DUSP3: variants seen among roughly 807,000 people sequenced by gnomAD.
DUSP3 encodes the protein dual specificity protein phosphatase 3.
DUSP3 carries 7 observed loss-of-function variants against 15.5 expected under a neutral mutation model. The observed-to-expected ratio is 0.45, with a 90% CI of 0.26 to 0.85. The LOEUF (loss-of-function observed/expected upper bound fraction) is 0.85. DUSP3 is among the 40% of genes least tolerant of loss of function. DUSP3 has a pLI of 0.18. For synonymous variants in DUSP3, 86 were observed against 104.2 expected, an observed-to-expected ratio of 0.83 and a Z score of 1.07; for missense variants, 209 against 251.7, an observed-to-expected ratio of 0.83 and a Z score of 1.15.
chr17:43,774,348 C>A (rs757665964), intron 2 of DUSP3, among the ~76,000 whole-genome samples: 31 of 152,130 alleles, frequency 2.0e-4, no homozygotes, highest in African/African-American at 6.3e-4. Flanking sequence ...AATCAACCAG[C>A]CCCCATGCTC....
intron 1 of DUSP3, among the ~76,000 whole-genome samples, chr17:43,775,928 T>C (rs1433491296): frequency 6.6e-6 from 1 of 151,930 alleles, no homozygotes; most frequent in Non-Finnish European, 1.5e-5. Context: ...CTGGCCAACA[T>C]GGTGAAACCC....
At chr17:43,777,632 GCC>G in intron 1 of DUSP3, 1 of 447,916 alleles carries the variant, frequency 2.2e-6, no homozygotes, top group Non-Finnish European at 4.5e-6. Flanking sequence ...TTTTCAACAT[GCC>G]ATCCTTGGGC....
At chr17:43,778,515 G>C (rs1027775892) in intron 1 of DUSP3, among the ~76,000 whole-genome samples, 29 of 152,200 alleles carry the variant, frequency 1.9e-4, no homozygotes, top group African/African-American at 7.0e-4. Flanking sequence ...CCAAGGCCAA[G>C]CCCCAAGCGG....
At chr17:43,778,542 G>A (rs1024949599) in intron 1 of DUSP3, among the ~76,000 whole-genome samples, 33 of 152,280 alleles carry the variant, frequency 2.2e-4, no homozygotes, top group Middle Eastern at 3.4e-3. Flanking sequence ...GCTGGGACCC[G>A]GGCAGGCGCC....
At chr17:43,770,042 C>G (rs145857555) in intron 2 of DUSP3, among the ~76,000 whole-genome samples, 78 of 152,228 alleles carry the variant, frequency 5.1e-4, no homozygotes, top group Middle Eastern at 3.4e-3. Context: ...TTGGCACAAC[C>G]ACTTTGGAAA....
rs375427137 is a variant in DUSP3 at position 43,778,894 on chromosome 17, C to A, written c.31G>T (p.Asp11Tyr). ...CCGTCCGAGAGCAGGTCGTTGAGAT[C>A]CTGCACCGAGAGCTCGAACGAGCCC... MSGSFELSVQ[D>Y]LNDLLSDGSG... is the part of the protein sequence containing the mutation. Residue 11 changes from aspartate (D) to tyrosine (Y), a missense_variant, in exon 1 of 3, where the codon GAT becomes TAT. Asp to Tyr is a radical substitution (Grantham distance 160). Coordinates refer to ENST00000226004, the MANE Select transcript of DUSP3 (RefSeq NM_004090.4). 20 of 1,498,728 alleles carry A rather than the reference C, an allele frequency of 1.3e-5. No individual in the cohort carries two copies. The African/African-American group carries it at 2.3e-4, about 17-fold the overall frequency. 92.8% of individuals were successfully genotyped at this position (1,498,728 alleles called of 1,614,324 possible). A position where few individuals can be genotyped will look rare whatever the true frequency, so the allele number is the denominator to read the frequency against.
chr17:43,776,560 C>A (rs1332983212), intron 1 of DUSP3, among the ~76,000 whole-genome samples: 1 of 152,232 alleles, frequency 6.6e-6, no homozygotes, highest in Non-Finnish European at 1.5e-5. Flanking sequence ...GGGAATGGAG[C>A]CCAAATCCTC....
intron 1 of DUSP3, chr17:43,778,352 T>G: frequency 6.5e-6 from 1 of 153,784 alleles, no homozygotes; most frequent in Non-Finnish European, 1.4e-5. Context: ...CATGCCCGAA[T>G]TGTGACGTCG....
chr17:43,774,874 C>G lies in DUSP3; in HGVS notation c.190G>C (p.Glu64Gln). Residue 64 changes from glutamate to glutamine, a missense_variant, in exon 2 of 3, where the codon GAG (glutamate) becomes CAG (glutamine). By Grantham distance (29) the Glu-to-Gln change is conservative. Coordinates refer to ENST00000226004, the MANE Select transcript of DUSP3 (RefSeq NM_004090.4). ...TTGACGTGCATGAAGGACCTGCCCT[C>G]AGCCGCGTTCAGCACATGGGTGATG... Reference protein sequence around the residue: ...LGITHVLNAAEGRSFMHVNTN... With the variant: ...LGITHVLNAAQGRSFMHVNTN... 1 of 1,614,238 alleles carries G rather than the reference C, an allele frequency of 6.2e-7. No homozygotes were observed. The highest frequency in any genetic ancestry group is 8.5e-7 in the Non-Finnish European group (1 of 1,180,040).
rs1974255207 is a variant in DUSP3, at chr17:43,767,427, A to G, written c.*2182T>C. Reference sequence around the variant, plus strand: ...GCTGGATTGAGGGTAAGTGCAGTACACCTGGAGATCCCAGGGAGCCCCCTT... The same window carrying G: ...GCTGGATTGAGGGTAAGTGCAGTACGCCTGGAGATCCCAGGGAGCCCCCTT... On this transcript the variant is annotated 3_prime_UTR_variant, in exon 3 of 3. Coordinates refer to ENST00000226004, the MANE Select transcript of DUSP3 (RefSeq NM_004090.4). 1 of 152,566 alleles carries G rather than the reference A, an allele frequency of 6.6e-6. No individual in the cohort carries two copies. Among genetic ancestry groups the G allele is most frequent in the Admixed American group, 6.5e-5 (1 of 15,280 alleles). 9.5% of individuals were successfully genotyped at this position (152,566 alleles called of 1,614,324 possible).
intron 1 of DUSP3, chr17:43,778,439 C>A (rs1214521729): frequency 5.8e-6 from 1 of 170,994 alleles, no homozygotes; most frequent in African/African-American, 2.4e-5. Flanking sequence ...ACATGACGCG[C>A]GGGCAGGAGA....
chr17:43,777,277 ATACTAT>A (rs535664364), intron 1 of DUSP3, among the ~76,000 whole-genome samples: 42 of 152,324 alleles, frequency 2.8e-4, no homozygotes, highest in African/African-American at 7.2e-4. Flanking sequence ...CAGGCCTCTA[ATACTAT>A]TAATAATTCA....
In DUSP3 at chr17:43,774,845, G is replaced by C. The variant is rs369878372; in HGVS notation, c.219C>G (p.Thr73=). The C allele has an allele frequency of 1.2e-6, 2 of 1,614,176 alleles. No homozygotes were observed. Among genetic ancestry groups the C allele is most frequent in the East Asian group, 2.2e-5 (1 of 44,888 alleles). The change falls in exon 2 of 3, where the codon ACC becomes ACG. Residue 73 remains threonine, a synonymous_variant. Coordinates refer to ENST00000226004, the MANE Select transcript of DUSP3 (RefSeq NM_004090.4). ...CGGAGTCCTTGTAGAAGTTGGCATT[G>C]GTGTTGACGTGCATGAAGGACCTGC... is the stretch of plus-strand genomic sequence containing the variant. ...AEGRSFMHVN[T]NANFYKDSGI...
chr17:43,774,678 G>A (rs776288562), intron 2 of DUSP3, 34 bp downstream of exon 2: 16 of 1,606,258 alleles, frequency 1.0e-5, no homozygotes, highest in Non-Finnish European at 1.4e-5. Context: ...AGTCAGAGCT[G>A]CCTCCCATCT....
At chr17:43,774,192 G>GCTGTA (rs1964377346) in intron 2 of DUSP3, 1 of 274,860 alleles carries the variant, frequency 3.6e-6, no homozygotes, top group African/African-American at 2.4e-5. Flanking sequence ...GGCCTCATCT[G>GCTGTA]CTGTACTTTG....
intron 2 of DUSP3, 135 bp downstream of exon 2, chr17:43,774,577 C>CTACA (rs1477300205): frequency 2.1e-5 from 21 of 979,960 alleles, no homozygotes; most frequent in Non-Finnish European, 2.9e-5. Context: ...AGAGAGAGAC[C>CTACA]TACAGCTCTG....
Position 43,768,580 on chromosome 17 carries a change from C to G in DUSP3, c.*1029G>C, listed in dbSNP as rs1461133726. 6.6e-6 allele frequency: 1 copy of G among 152,198 alleles called. No individual in the cohort carries two copies. The highest frequency in any genetic ancestry group is 1.5e-5 in the Non-Finnish European group (1 of 68,082). 9.4% of individuals were successfully genotyped at this position (152,198 alleles called of 1,614,324 possible). A position where few individuals can be genotyped will look rare whatever the true frequency, so the allele number is the denominator to read the frequency against. On this transcript the variant is annotated 3_prime_UTR_variant, in exon 3 of 3. Transcript: ENST00000226004. ...GACCTTTCACTTCCCTGCTTGTCTT[C>G]TGGCCGCGTTTCTGAGAGGCACGCC... is the stretch of plus-strand genomic sequence containing the variant.
chr17:43,778,730 C>T (rs1974424868), intron 1 of DUSP3, 70 bp downstream of exon 1: 3 of 1,418,190 alleles, frequency 2.1e-6, no homozygotes, highest in Admixed American at 2.6e-5. Context: ...CGCGACACCC[C>T]GACCCCAGCC....
rs965985618 is a variant in DUSP3 at position 43,768,699 on chromosome 17, T to G, written c.*910A>C. On this transcript the variant is annotated 3_prime_UTR_variant, in exon 3 of 3. Transcript: ENST00000226004. ...CGAGACAAAAAGCAGTTAGCACGAG[T>G]GGCTTGGGCTTGCCAACACTACAAT... 1.3e-5 allele frequency: 2 copies of G among 151,374 alleles called. No individual in the cohort carries two copies. The highest frequency in any genetic ancestry group is 4.9e-5 in the African/African-American group (2 of 41,156). The allele number at this position is 151,374 out of a possible 1,614,324, so 9.4% of individuals were successfully genotyped here.
Sources: allele counts gnomAD v4.1 joint callset (sites outside exome capture counted in the v4.1 genomes callset), GRCh38; gene constraint gnomAD v4.1.1; transcripts MANE v1.5; gene names NCBI Gene and HGNC (gene_info 2026-07-23, HGNC 2026-07-21).